Variants in SRRM4 observed in about 807,000 individuals in gnomAD.
SRRM4 encodes the protein serine/arginine repetitive matrix 4, also known as serine/arginine repetitive matrix protein 4.
Under a neutral mutation model 68.9 loss-of-function variants are expected in SRRM4, and 33 were observed. The observed-to-expected ratio is 0.48, with a 90% CI of 0.36 to 0.64. The LOEUF (loss-of-function observed/expected upper bound fraction) is 0.64. SRRM4 is among the 30% of genes least tolerant of loss of function. SRRM4 has a pLI of 0.00. For synonymous variants in SRRM4, 318 were observed against 318.8 expected, an observed-to-expected ratio of 1.00 and a Z score of 0.03; for missense variants, 817 against 827.1, an observed-to-expected ratio of 0.99 and a Z score of 0.15.
rs1565921332 is a variant in SRRM4, at chr12:119,156,539, C to T, written c.1577C>T (p.Ser526Leu). 6.2e-7 allele frequency: 1 copy of T among 1,611,116 alleles called. No individual in the cohort carries two copies. Among genetic ancestry groups the T allele is most frequent in the Non-Finnish European group, 8.5e-7 (1 of 1,179,340 alleles). Residue 526 changes from serine to leucine, a missense_variant, in exon 13 of 13, where the codon TCA becomes TTA. Physicochemically the swap from Ser to Leu is moderately radical, Grantham distance 145. Coordinates refer to ENST00000267260, the MANE Select transcript of SRRM4 (RefSeq NM_194286.4). ...PIPYYRPSPS[S>L]SGSLSSTSSW... ...CCCTACTATCGGCCCAGCCCCTCCT[C>T]ATCCGGCAGCCTCAGCAGCACCTCC...
chr12:119,049,222 A>G (rs1953726501), intron 1 of SRRM4, among the ~76,000 whole-genome samples: 1 of 152,174 alleles, frequency 6.6e-6, no homozygotes, highest in Admixed American at 6.5e-5. Flanking sequence ...TCTGGTGTTT[A>G]AGAATCTCAC....
At chr12:119,042,720 T>G (rs1156471623) in intron 1 of SRRM4, among the ~76,000 whole-genome samples, 4 of 148,364 alleles carry the variant, frequency 2.7e-5, no homozygotes, top group African/African-American at 1.0e-4. Context: ...GGAGGGGAGA[T>G]TGGAGATGGA....
intron 1 of SRRM4, among the ~76,000 whole-genome samples, chr12:119,063,577 A>G (rs530911503): frequency 3.3e-5 from 5 of 152,334 alleles, no homozygotes; most frequent in African/African-American, 1.2e-4. Context: ...AAAGAAAGCC[A>G]TGGCACCATG....
intron 8 of SRRM4, among the ~76,000 whole-genome samples, chr12:119,135,208 G>A (rs1336204903): frequency 1.3e-5 from 2 of 152,076 alleles, no homozygotes; most frequent in Non-Finnish European, 2.9e-5. Context: ...TGATGGAGAG[G>A]CTCATGGCTC....
chr12:118,993,519 A>G (rs1382472770), intron 1 of SRRM4, among the ~76,000 whole-genome samples: 1 of 152,200 alleles, frequency 6.6e-6, no homozygotes, highest in Non-Finnish European at 1.5e-5. Context: ...AAGAAACACC[A>G]TGTACCCAAT....
At chr12:119,083,506 C>A (rs1451216279) in intron 1 of SRRM4, among the ~76,000 whole-genome samples, 1 of 152,072 alleles carries the variant, frequency 6.6e-6, no homozygotes, top group Non-Finnish European at 1.5e-5. Context: ...ATAGCCTGCA[C>A]AGGTTCCCAG....
chr12:119,130,420 T>TGGATGGATGGAG (rs1449661157), intron 7 of SRRM4, among the ~76,000 whole-genome samples: 7 of 146,710 alleles, frequency 4.8e-5, no homozygotes, highest in Middle Eastern at 3.5e-3. Flanking sequence ...GATGGATGGA[T>TGGATGGATGGAG]GGATGGATGG....
At chr12:119,025,964 G>A (rs1376807387) in intron 1 of SRRM4, among the ~76,000 whole-genome samples, 2 of 152,068 alleles carry the variant, frequency 1.3e-5, no homozygotes. Flanking sequence ...GGAGTCCTAT[G>A]TGTCCCTGCC....
intron 1 of SRRM4, among the ~76,000 whole-genome samples, chr12:119,081,321 G>T (rs1041919838): frequency 1.3e-5 from 2 of 152,138 alleles, no homozygotes; most frequent in Non-Finnish European, 2.9e-5. Context: ...CAGGGAACAC[G>T]TATCACTAAA....
At chr12:119,061,843 T>C (rs370581883) in intron 1 of SRRM4, among the ~76,000 whole-genome samples, 3 of 152,238 alleles carry the variant, frequency 2.0e-5, no homozygotes, top group South Asian at 2.1e-4. Flanking sequence ...TAGATTCTTA[T>C]TGTATTTCCC....
chr12:119,072,621 G>A (rs904529962), intron 1 of SRRM4, among the ~76,000 whole-genome samples: 4 of 105,540 alleles, frequency 3.8e-5, no homozygotes, highest in East Asian at 2.0e-4. Flanking sequence ...TGTTTTACCC[G>A]CAGATTGAAC....
chr12:119,150,935 A>C, intron 9 of SRRM4, 82 bp from the exon 10 acceptor site: 3 of 1,325,640 alleles, frequency 2.3e-6, no homozygotes, highest in Non-Finnish European at 3.2e-6. Context: ...ACCACAGCCT[A>C]GGCCAAGGTA....
chr12:119,016,005 A>G lies in SRRM4; in HGVS notation c.131+33992A>G, dbSNP rs59354245. On this transcript the variant is annotated intron_variant, in intron 1 of 12. Transcript: ENST00000267260. ...TGCGTCACTGTGGATGTCATTAGTT[A>G]AGATGAGGTCACACAAGAATAGGAT... Among the ~76,000 whole-genome samples, 237 of 152,228 alleles carry G rather than the reference A, an allele frequency of 1.6e-3. 1 individual carries two copies. Among genetic ancestry groups the G allele is most frequent in the African/African-American group, 4.6e-3 (193 of 41,532 alleles).
rs772805502 is a variant in SRRM4 at position 119,161,109 on chromosome 12, G to T, written c.*4311G>T. ...AATTCAGGGTGCTCTCAAAGGCAAAGAAAGCACATTGTTTTCCTTCTCCAG... is the reference window on the plus strand; with the variant it reads ...AATTCAGGGTGCTCTCAAAGGCAAATAAAGCACATTGTTTTCCTTCTCCAG... On this transcript the variant is annotated 3_prime_UTR_variant, in exon 13 of 13. Transcript: ENST00000267260. The T allele has an allele frequency of 3.9e-5, 6 of 152,326 alleles. No homozygotes were observed. Among genetic ancestry groups the T allele is most frequent in the Non-Finnish European group, 5.9e-5 (4 of 68,026 alleles). 9.4% of individuals were successfully genotyped at this position (152,326 alleles called of 1,614,324 possible). A position where few individuals can be genotyped will look rare whatever the true frequency, so the allele number is the denominator to read the frequency against.
chr12:119,068,632 C>A (rs1027375167), intron 1 of SRRM4, among the ~76,000 whole-genome samples: 2 of 152,050 alleles, frequency 1.3e-5, no homozygotes, highest in Non-Finnish European at 2.9e-5. Context: ...ATGCCGCAGA[C>A]CCCTGGGCAC....
chr12:119,052,841 C>T (rs534621359), intron 1 of SRRM4, among the ~76,000 whole-genome samples: 2 of 152,292 alleles, frequency 1.3e-5, no homozygotes, highest in South Asian at 2.1e-4. Context: ...AGATGTTTAA[C>T]TGTTGAGAGA....
chr12:119,133,155 A>G (rs1420435723), intron 8 of SRRM4: 1 of 152,204 alleles, frequency 6.6e-6, no homozygotes. Context: ...CAAAACAAGG[A>G]TAGCAATAAG....
chr12:119,081,175 C>A (rs1165496839), intron 1 of SRRM4, among the ~76,000 whole-genome samples: 1 of 151,982 alleles, frequency 6.6e-6, no homozygotes, highest in Non-Finnish European at 1.5e-5. Flanking sequence ...GGGGCTCGTC[C>A]AATAAACAGC....
At chr12:119,004,778 A>G (rs746830462) in intron 1 of SRRM4, among the ~76,000 whole-genome samples, 9 of 151,974 alleles carry the variant, frequency 5.9e-5, no homozygotes, top group Non-Finnish European at 1.3e-4. Flanking sequence ...CTTCCTGCCG[A>G]AGACGTAGGG....
Sources: allele counts gnomAD v4.1 joint callset (sites outside exome capture counted in the v4.1 genomes callset), GRCh38; gene constraint gnomAD v4.1.1; transcripts MANE v1.5; gene names NCBI Gene and HGNC (gene_info 2026-07-23, HGNC 2026-07-21).